Variants in MYO16 observed in about 807,000 individuals in gnomAD.
The protein encoded by MYO16 is myosin XVI, also known as unconventional myosin-XVI.
A neutral mutation model predicts 205.3 loss-of-function variants in MYO16; 94 were observed. The observed-to-expected ratio is 0.46, with a 90% CI of 0.39 to 0.54. MYO16 has a LOEUF of 0.54. Ranked by LOEUF, MYO16 falls within the 20% of genes least tolerant of loss-of-function variation. MYO16 has a pLI of 0.00. For missense variants in MYO16, 2,315 were observed against 2,387.5 expected, an observed-to-expected ratio of 0.97 and a Z score of 0.63; for synonymous variants, 988 against 954.0, an observed-to-expected ratio of 1.04 and a Z score of -0.66.
At chr13:108,729,021 A>G (rs985902611) in intron 4 of MYO16, among the ~76,000 whole-genome samples, 9 of 151,878 alleles carry the variant, frequency 5.9e-5, no homozygotes, top group African/African-American at 2.2e-4. Flanking sequence ...TATGTCACTA[A>G]AAGTGTATTT....
chr13:108,565,365 T>C, the MYO16 span, among the ~76,000 whole-genome samples: 1 of 152,336 alleles, frequency 6.6e-6, no homozygotes, highest in South Asian at 2.1e-4. Flanking sequence ...ATCAGTGTTT[T>C]ATAGTTTTCA....
intron 16 of MYO16, among the ~76,000 whole-genome samples, chr13:108,937,594 T>G (rs1008557157): frequency 7.9e-5 from 12 of 152,202 alleles, no homozygotes; most frequent in African/African-American, 2.7e-4. Flanking sequence ...TTGCCAGCTG[T>G]GTTAGCTCAA....
chr13:109,028,279 ATAAC>A, intron 23 of MYO16: 1 of 169,890 alleles, frequency 5.9e-6, no homozygotes, highest in Non-Finnish European at 1.2e-5. Flanking sequence ...ATTGTATAAT[ATAAC>A]ATTAAATTCT....
intron 10 of MYO16, among the ~76,000 whole-genome samples, chr13:108,853,259 G>GTTTTGACAACCCAGGAAACACTGGC (rs1291777684): frequency 9.9e-5 from 15 of 152,132 alleles, no homozygotes; most frequent in African/African-American, 3.6e-4. Flanking sequence ...TTTCAAAATT[G>GTTTTGACAACCCAGGAAACACTGGC]TTTTGACAAC....
At chr13:108,505,789 A>T in the MYO16 span, among the ~76,000 whole-genome samples, 4 of 152,014 alleles carry the variant, frequency 2.6e-5, no homozygotes, top group African/African-American at 9.7e-5. Flanking sequence ...CTAGATGTAT[A>T]TGGTTTCAGA....
chr13:108,820,396 TGAG>T lies in MYO16; in HGVS notation c.931_933del (p.Glu311del), dbSNP rs759458729. ...CAAACCCACACCTCGTGAACTGTAA[TGAG>T]GAGAAGGCGTCAGGTAGGTTAGGAG... On this transcript the variant is annotated inframe_deletion, in exon 8 of 35. Coordinates refer to ENST00000457511, the MANE Select transcript of MYO16 (RefSeq NM_001198950.3). 3.1e-6 allele frequency: 5 copies of T among 1,606,736 alleles called. No homozygotes were observed. Among genetic ancestry groups the T allele is most frequent in the Non-Finnish European group, 4.3e-6 (5 of 1,176,230 alleles).
intron 31 of MYO16, among the ~76,000 whole-genome samples, chr13:109,137,841 C>T (rs532738753): frequency 6.6e-6 from 1 of 152,292 alleles, no homozygotes; most frequent in South Asian, 2.1e-4. Context: ...GAGCTCTTCT[C>T]AAATTACAAC....
intron 4 of MYO16, among the ~76,000 whole-genome samples, chr13:108,744,611 G>A (rs1176159775): frequency 6.6e-6 from 1 of 152,182 alleles, no homozygotes; most frequent in East Asian, 1.9e-4. Flanking sequence ...CCTTCAAATG[G>A]CCTTGGCCAT....
chr13:108,782,617 G>C (rs1429951660), intron 4 of MYO16, among the ~76,000 whole-genome samples: 1 of 152,218 alleles, frequency 6.6e-6, no homozygotes, highest in Non-Finnish European at 1.5e-5. Context: ...GGCCATGTCA[G>C]AGACCTTCAT....
chr13:109,055,241 A>T lies in MYO16; in HGVS notation c.3129+115A>T. ...ACTTAAATATCTTCACAAAAAAAGT[A>T]AACATACACACACACACACACACAC... On this transcript the variant is annotated intron_variant, in intron 26 of 34. Coordinates refer to ENST00000457511, the MANE Select transcript of MYO16 (RefSeq NM_001198950.3). The surrounding 1 kb of genome is among the most constrained non-coding windows in gnomAD (Gnocchi z 5.0). 1.1e-6 allele frequency: 1 copy of T among 913,166 alleles called. No individual in the cohort carries two copies. The highest frequency in any genetic ancestry group is 1.6e-6 in the Non-Finnish European group (1 of 637,684). The allele number at this position is 913,166 out of a possible 1,614,324, so 56.6% of individuals were successfully genotyped here.
chr13:108,577,939 A>G, the MYO16 span, among the ~76,000 whole-genome samples: 2 of 152,338 alleles, frequency 1.3e-5, no homozygotes, highest in East Asian at 1.9e-4. Context: ...GTAGCTTAAT[A>G]TAAGAGACAA....
chr13:108,688,373 C>T (rs895438573), intron 2 of MYO16, among the ~76,000 whole-genome samples: 1 of 152,156 alleles, frequency 6.6e-6, no homozygotes, highest in Non-Finnish European at 1.5e-5. Context: ...TGTGGTAGAT[C>T]ATATGAATAC....
intron 23 of MYO16, among the ~76,000 whole-genome samples, chr13:109,023,736 TACA>T: frequency 7.9e-6 from 1 of 127,288 alleles, no homozygotes; most frequent in East Asian, 2.3e-4. Flanking sequence ...TATGCATATA[TACA>T]TATATACGTA....
intron 2 of MYO16, among the ~76,000 whole-genome samples, chr13:108,677,338 TATATATATATATATATGC>T (rs1555337962): frequency 6.3e-4 from 55 of 86,860 alleles, no homozygotes; most frequent in South Asian, 1.2e-3. Context: ...TGTGTGTGTA[TATATATATATATATATGC>T]ATATATATAT....
intron 2 of MYO16, among the ~76,000 whole-genome samples, chr13:108,698,373 G>A (rs9670727): frequency 0.021 from 3,270 of 152,218 alleles, 111 homozygotes; most frequent in African/African-American, 0.075. Context: ...TGTGATTTCC[G>A]TTCCCAATTT....
the MYO16 span, among the ~76,000 whole-genome samples, chr13:108,567,287 G>A: frequency 2.0e-4 from 31 of 152,214 alleles, no homozygotes; most frequent in African/African-American, 7.2e-4. Flanking sequence ...TTGATGACTG[G>A]TTATGAAGGG....
intron 16 of MYO16, among the ~76,000 whole-genome samples, chr13:108,939,900 G>T (rs1301289220): frequency 6.6e-6 from 1 of 152,008 alleles, no homozygotes; most frequent in Non-Finnish European, 1.5e-5. Context: ...TCATATATTA[G>T]CTTTACTGTA....
chr13:108,777,099 G>A (rs1886147569), intron 4 of MYO16, among the ~76,000 whole-genome samples: 1 of 152,070 alleles, frequency 6.6e-6, no homozygotes, highest in Admixed American at 6.5e-5. Context: ...AATTAGTATA[G>A]CCTGCTTTTA....
chr13:108,531,255 G>A, the MYO16 span, among the ~76,000 whole-genome samples: 3 of 152,316 alleles, frequency 2.0e-5, no homozygotes, highest in African/African-American at 7.2e-5. Flanking sequence ...TTAGAGAAAT[G>A]TGTAGCCCTT....
Sources: gnomAD v4.1 joint callset for allele counts (sites outside exome capture counted in the v4.1 genomes callset) on GRCh38, gnomAD v4.1.1 for gene constraint, Gnocchi (gnomAD v3.1) non-coding constraint, MANE v1.5 for transcripts, NCBI Gene and HGNC (gene_info 2026-07-23, HGNC 2026-07-21) for gene names.